The following SGCD variants were observed in gnomAD, a reference collection of about 807,000 sequenced individuals.
The protein encoded by SGCD is delta-sarcoglycan.
SGCD carries 18 observed loss-of-function variants against 36.6 expected under a neutral mutation model. The observed-to-expected ratio is 0.49, with a 90% CI of 0.34 to 0.73. The LOEUF (loss-of-function observed/expected upper bound fraction) is 0.73, where lower values mean the gene tolerates loss of function less well. Among genes scored for constraint, SGCD ranks in the 30% least tolerant of loss-of-function variants. The pLI is 0.01. For missense variants in SGCD, 387 were observed against 346.7 expected, an observed-to-expected ratio of 1.12 and a Z score of -0.92; for synonymous variants, 133 against 130.6, an observed-to-expected ratio of 1.02 and a Z score of -0.12.
chr5:156,531,863 C>G lies in SGCD; in HGVS notation c.294+23161C>G, dbSNP rs549675862. Among the ~76,000 whole-genome samples, 44 of 152,192 alleles carry G rather than the reference C, an allele frequency of 2.9e-4. No homozygotes were observed. The South Asian group carries it at 9.1e-3, about 32-fold the overall frequency. On this transcript the variant is annotated intron_variant, in intron 4 of 8. Transcript: ENST00000337851. Reference sequence around the variant, plus strand: ...GTGGCTCATGCCTGTAATCCCAGCACTTTGGGAGGCTGAGGTGGGCAGATC... The same window carrying G: ...GTGGCTCATGCCTGTAATCCCAGCAGTTTGGGAGGCTGAGGTGGGCAGATC...
At chr5:156,757,791 C>A in intron 8 of SGCD, 87 bp downstream of exon 8, 34 of 1,478,700 alleles carry the variant, frequency 2.3e-5, no homozygotes, top group Non-Finnish European at 3.1e-5. Flanking sequence ...GGAGTTGGAT[C>A]CTACAGTGTA....
intron 1 of SGCD, among the ~76,000 whole-genome samples, chr5:156,098,740 T>C (rs935523087): frequency 1.3e-5 from 2 of 152,192 alleles, no homozygotes; most frequent in African/African-American, 4.8e-5. Flanking sequence ...ATAGTATTTT[T>C]TCACCTATGC....
intron 4 of SGCD, among the ~76,000 whole-genome samples, chr5:156,556,004 T>C (rs557367327): frequency 2.4e-4 from 37 of 152,230 alleles, no homozygotes; most frequent in African/African-American, 8.9e-4. Context: ...GATTCATCTT[T>C]CTGTCTAAAG....
At chr5:156,573,196 C>T (rs1404488788) in intron 4 of SGCD, among the ~76,000 whole-genome samples, 1 of 152,120 alleles carries the variant, frequency 6.6e-6, no homozygotes, top group East Asian at 1.9e-4. Context: ...AAGAGCTTTA[C>T]AGACTCAGCA....
intron 3 of SGCD, among the ~76,000 whole-genome samples, chr5:156,264,320 A>G (rs1765949221): frequency 6.6e-6 from 1 of 152,086 alleles, no homozygotes; most frequent in African/African-American, 2.4e-5. Flanking sequence ...AACACTGAGC[A>G]CTCTTTAAAA....
intron 1 of SGCD, among the ~76,000 whole-genome samples, chr5:156,051,466 A>G (rs1487446562): frequency 6.8e-6 from 1 of 146,414 alleles, no homozygotes; most frequent in Non-Finnish European, 1.5e-5. Flanking sequence ...AAACTGAATA[A>G]CTATATATAA....
rs556833414 is a variant in SGCD at position 156,423,530 on chromosome 5, C to T, written c.192+78853C>T. ...GGTCTACTGGAGTTCCCTGTACCTT[C>T]GATGTGAAGGTTCACTTAATATCTA... On this transcript the variant is annotated intron_variant, in intron 3 of 8. Transcript: ENST00000337851. 5.5e-5 allele frequency among the ~76,000 whole-genome samples: 8 copies of T among 145,134 alleles called. No individual in the cohort carries two copies. In the East Asian group the frequency reaches 8.0e-4, roughly 14 times the overall value.
At position 156,118,488 on chromosome 5, in the gene SGCD, G is replaced by C. The variant is rs190348359; in HGVS notation, c.-208+537G>C. ...GATGCACACAGAGAAGAGTCAGGGC[G>C]GGCATCTATTCTGTGTACATTCAAT... is the stretch of plus-strand genomic sequence containing the variant. On this transcript the variant is annotated intron_variant, in intron 2 of 9. Coordinates refer to the SGCD transcript ENST00000517913. 6.6e-5 allele frequency among the ~76,000 whole-genome samples: 10 copies of C among 152,172 alleles called. No individual in the cohort carries two copies. The East Asian group carries it at 1.9e-3, about 29-fold the overall frequency.
chr5:155,840,002 C>G, the SGCD span, among the ~76,000 whole-genome samples: 1 of 151,780 alleles, frequency 6.6e-6, no homozygotes, highest in East Asian at 1.9e-4. Context: ...GGACACAACT[C>G]AGGGCTGCCC....
chr5:156,684,488 A>T (rs1416674111), intron 7 of SGCD, among the ~76,000 whole-genome samples: 1 of 152,192 alleles, frequency 6.6e-6, no homozygotes, highest in Non-Finnish European at 1.5e-5. Context: ...ATGGCCTTTG[A>T]ACAGTCCTCT....
chr5:155,837,879 G>A, the SGCD span, among the ~76,000 whole-genome samples: 1 of 152,034 alleles, frequency 6.6e-6, no homozygotes, highest in Admixed American at 6.6e-5. Flanking sequence ...TTGCATTTGG[G>A]GACCTCAAAA....
At chr5:156,059,346 A>T (rs1451762501) in intron 1 of SGCD, among the ~76,000 whole-genome samples, 1 of 146,430 alleles carries the variant, frequency 6.8e-6, no homozygotes, top group Non-Finnish European at 1.5e-5. Context: ...ATTGTGAGAG[A>T]AGGCATTGTT....
intron 1 of SGCD, among the ~76,000 whole-genome samples, chr5:155,947,293 TTGTGTGTGTGTGTGTGTGTG>T (rs56192140): frequency 2.0e-4 from 28 of 138,968 alleles, no homozygotes; most frequent in Non-Finnish European, 3.9e-4. Flanking sequence ...ATAAATACTC[TTGTGTGTGTGTGTGTGTGTG>T]TGTGTGTGTG....
chr5:155,727,873 G>C, the SGCD span, among the ~76,000 whole-genome samples: 6 of 152,302 alleles, frequency 3.9e-5, no homozygotes, highest in Non-Finnish European at 5.9e-5. Flanking sequence ...CCTTCTCCCG[G>C]TGTTTCTTAA....
chr5:156,071,571 T>G (rs567478041), intron 1 of SGCD, among the ~76,000 whole-genome samples: 15 of 152,314 alleles, frequency 9.8e-5, no homozygotes, highest in African/African-American at 3.4e-4. Flanking sequence ...AGTTTTGGAA[T>G]AGGTGTGGTG....
chr5:156,357,595 C>T (rs547684169), intron 3 of SGCD, among the ~76,000 whole-genome samples: 1 of 152,286 alleles, frequency 6.6e-6, no homozygotes, highest in Admixed American at 6.5e-5. Context: ...ATACTAACTA[C>T]ATAGCTTGTA....
chr5:156,074,059 A>T (rs114064656), intron 1 of SGCD, among the ~76,000 whole-genome samples: 3,753 of 152,332 alleles, frequency 0.025, 193 homozygotes, highest in Admixed American at 0.12. Flanking sequence ...AGGAAGAGAA[A>T]TGGAGGGATA....
chr5:155,850,533 A>G, the SGCD span, among the ~76,000 whole-genome samples: 2 of 152,162 alleles, frequency 1.3e-5, no homozygotes, highest in Admixed American at 6.6e-5. Context: ...AAAATGATCA[A>G]AAGTGACATT....
chr5:156,302,266 CT>C (rs1209665415), intron 3 of SGCD, among the ~76,000 whole-genome samples: 1 of 151,894 alleles, frequency 6.6e-6, no homozygotes, highest in Non-Finnish European at 1.5e-5. Context: ...CTCACTAATT[CT>C]TTCTTCTGCT....
Sources: gnomAD v4.1 joint callset for allele counts (sites outside exome capture counted in the v4.1 genomes callset) on GRCh38, gnomAD v4.1.1 for gene constraint, MANE v1.5 for transcripts, NCBI Gene and HGNC (gene_info 2026-07-23, HGNC 2026-07-21) for gene names.